TNN: variants seen among roughly 807,000 people sequenced by gnomAD.
TNN encodes tenascin N, also known as tenascin-N.
Under a neutral mutation model 134.4 loss-of-function variants are expected in TNN, and 122 were observed. That is an observed-to-expected ratio of 0.91 (90% CI 0.78 to 1.06). TNN has a LOEUF of 1.06. Ranked by LOEUF, TNN falls within the 50% of genes least tolerant of loss-of-function variation. TNN has a pLI of 0.00. For synonymous variants in TNN, 710 were observed against 670.3 expected (o/e 1.06, Z -0.91); for missense variants, 1,739 against 1,699.4 (o/e 1.02, Z -0.41).
intron 5 of TNN, among the ~76,000 whole-genome samples, chr1:175,084,551 G>A (rs377344918): frequency 1.8e-4 from 28 of 152,284 alleles, no homozygotes; most frequent in East Asian, 3.9e-4. Context: ...AAAGTAATAC[G>A]CAATCATGAA....
In TNN at chr1:175,081,394, A is replaced by C. The variant is rs1391568533; in HGVS notation, c.1048+968A>C. ...TCCTTCACACAGTACATTTTTATTGAGCACTTACCATTTGTCAGGCACTGT... is the reference window on the plus strand; with the variant it reads ...TCCTTCACACAGTACATTTTTATTGCGCACTTACCATTTGTCAGGCACTGT... On this transcript the variant is annotated intron_variant, in intron 4 of 18. Transcript: ENST00000239462. 1.3e-5 allele frequency among the ~76,000 whole-genome samples: 2 copies of C among 152,126 alleles called. 1 individual carries two copies. Among genetic ancestry groups the C allele is most frequent in the African/African-American group, 4.8e-5 (2 of 41,422 alleles).
intron 9 of TNN, among the ~76,000 whole-genome samples, chr1:175,107,016 C>G (rs1348502139): frequency 6.8e-6 from 1 of 146,170 alleles, no homozygotes; most frequent in Non-Finnish European, 1.5e-5. Flanking sequence ...TCCGATGGTA[C>G]TCACTGCTTG....
intron 15 of TNN, among the ~76,000 whole-genome samples, chr1:175,131,917 T>TACACACACACACACACAC (rs3028571): frequency 8.4e-4 from 115 of 136,424 alleles, no homozygotes; most frequent in Admixed American, 4.3e-3. Flanking sequence ...GAAGTATTAT[T>TACACACACACACACACAC]ACACACACAC....
chr1:175,094,366 G>A (rs2149431825), intron 7 of TNN, 113 bp downstream of exon 7: 3 of 1,146,958 alleles, frequency 2.6e-6, no homozygotes, highest in East Asian at 5.5e-5. Context: ...GCAGGAGTGG[G>A]GAGGAGGTTG....
chr1:175,117,825 T>A (rs1675223646), intron 10 of TNN, among the ~76,000 whole-genome samples: 1 of 152,204 alleles, frequency 6.6e-6, no homozygotes, highest in African/African-American at 2.4e-5. Context: ...CGTATTCCTC[T>A]TGTTGAATAG....
chr1:175,130,919 A>G (rs914852614), intron 15 of TNN, among the ~76,000 whole-genome samples: 1 of 151,254 alleles, frequency 6.6e-6, no homozygotes, highest in Non-Finnish European at 1.5e-5. Flanking sequence ...TCTGAGCCAG[A>G]CTCCTGGGGG....
At chr1:175,142,031 T>C (rs1258825410) in intron 17 of TNN, among the ~76,000 whole-genome samples, 1 of 152,200 alleles carries the variant, frequency 6.6e-6, no homozygotes, top group Non-Finnish European at 1.5e-5. Flanking sequence ...GAACCTTCTA[T>C]GTAAATTAGC....
intron 10 of TNN, among the ~76,000 whole-genome samples, chr1:175,118,095 C>G (rs1675232232): frequency 6.6e-6 from 1 of 152,150 alleles, no homozygotes; most frequent in Admixed American, 6.5e-5. Flanking sequence ...AGGATGCTGC[C>G]CTCTTCCTCC....
chr1:175,135,348 T>C (rs1371564077), intron 15 of TNN, among the ~76,000 whole-genome samples: 2 of 152,262 alleles, frequency 1.3e-5, no homozygotes, highest in African/African-American at 4.8e-5. Context: ...AGTAAATATT[T>C]GTTGTGTGAA....
chr1:175,119,795 C>T lies in TNN; in HGVS notation c.2650+971C>T, dbSNP rs538118421. 2.5e-4 allele frequency among the ~76,000 whole-genome samples: 38 copies of T among 152,040 alleles called. No homozygotes were observed. In the East Asian group the frequency reaches 2.7e-3, roughly 11 times the overall value. On this transcript the variant is annotated intron_variant, in intron 11 of 18. Transcript: ENST00000239462. ...GATTACAAGCGCCCGCCACCATGCC[C>T]GGCTAATTTTGTTTTTGTATTTTTA... is the stretch of plus-strand genomic sequence containing the variant.
chr1:175,111,182 G>A (rs919296200), intron 9 of TNN, among the ~76,000 whole-genome samples: 10 of 152,200 alleles, frequency 6.6e-5, no homozygotes, highest in African/African-American at 2.4e-4. Context: ...GCTGAATGTG[G>A]TGGCAGGTGC....
chr1:175,124,821 CCCTT>C (rs1245714366), intron 12 of TNN, among the ~76,000 whole-genome samples: 1 of 152,212 alleles, frequency 6.6e-6, no homozygotes, highest in Non-Finnish European at 1.5e-5. Flanking sequence ...CCTCCTTCTC[CCCTT>C]CCTTTCTCTG....
chr1:175,129,861 C>T (rs138031388), intron 15 of TNN, among the ~76,000 whole-genome samples: 57 of 152,220 alleles, frequency 3.7e-4, no homozygotes, highest in African/African-American at 1.2e-3. Flanking sequence ...AGTTCTGTAC[C>T]CTGTCTCCAC....
intron 1 of TNN, among the ~76,000 whole-genome samples, chr1:175,069,867 G>T (rs1275622123): frequency 6.6e-6 from 1 of 152,248 alleles, no homozygotes; most frequent in Non-Finnish European, 1.5e-5. Context: ...CTCCTTGCTA[G>T]AAGACTGGAA....
chr1:175,088,062 AGC>A (rs1558352027), intron 6 of TNN, among the ~76,000 whole-genome samples: 1 of 152,218 alleles, frequency 6.6e-6, no homozygotes, highest in Non-Finnish European at 1.5e-5. Context: ...GCAACCAGGA[AGC>A]ACTCTGAACC....
In TNN at chr1:175,088,376, G is replaced by C. The variant is rs550326239; in HGVS notation, c.1324+2882G>C. Among the ~76,000 whole-genome samples, 7 of 152,274 alleles carry C rather than the reference G, an allele frequency of 4.6e-5. No individual in the cohort carries two copies. The East Asian group carries it at 1.4e-3, about 29-fold the overall frequency. On this transcript the variant is annotated intron_variant, in intron 6 of 18. Transcript: ENST00000239462. The stretch of plus-strand genomic sequence containing the variant: ...AAGGGTTTTAGGAGCTGTGTGCCAG[G>C]AATCAGGGACCCAAAACCAAACATG...
At chr1:175,072,926 C>CCTTTTTTTTT (rs1673952994) in intron 1 of TNN, among the ~76,000 whole-genome samples, 1 of 46,762 alleles carries the variant, frequency 2.1e-5, no homozygotes, top group Admixed American at 3.8e-4. Flanking sequence ...GAGTCCACGG[C>CCTTTTTTTTT]TTTTTTTTTT....
chr1:175,098,291 T>C, intron 8 of TNN, 41 bp from the exon 9 acceptor site: 2 of 1,613,598 alleles, frequency 1.2e-6, no homozygotes, highest in Non-Finnish European at 1.7e-6. Flanking sequence ...ATGTCTTCCA[T>C]GGCTTCAGAG....
intron 9 of TNN, among the ~76,000 whole-genome samples, chr1:175,104,332 G>A (rs1674799295): frequency 6.9e-6 from 1 of 145,588 alleles, no homozygotes; most frequent in Admixed American, 6.9e-5. Context: ...CTTGCCCCGG[G>A]CACCCTCAGT....
Sources: allele counts gnomAD v4.1 joint callset (sites outside exome capture counted in the v4.1 genomes callset), GRCh38; gene constraint gnomAD v4.1.1; transcripts MANE v1.5; gene names NCBI Gene and HGNC (gene_info 2026-07-23, HGNC 2026-07-21).